Variants in SYNE1 observed in about 807,000 individuals in gnomAD.
SYNE1 encodes spectrin repeat containing nuclear envelope protein 1, also known as nesprin-1.
In SYNE1, 616 loss-of-function variants were observed where a neutral mutation model predicts 1,111.0. That is an observed-to-expected ratio of 0.55 (90% CI 0.52 to 0.59). The LOEUF is 0.59. SYNE1 is among the 20% of genes least tolerant of loss of function. SYNE1 has a pLI of 0.00. For missense variants in SYNE1, 10,006 were observed against 10,417.0 expected (o/e 0.96, Z 1.72); for synonymous variants, 3,855 against 3,825.8 (o/e 1.01, Z -0.28).
rs780396166 is a variant in SYNE1, at chr6:152,309,887, T to G, written c.17150A>C (p.Glu5717Ala). Reference protein sequence around the residue: ...PLCHAALRLQEEASRLQHTAI... With the variant: ...PLCHAALRLQAEASRLQHTAI... ...GGTGTGCTGCAGCCGGCTGGCCTCT[T>G]CCTGCAGCCGCAGAGCAGCATGACA... Residue 5717 changes from glutamate to alanine, a missense_variant, in exon 90 of 146, where the codon GAA (glutamate) becomes GCA (alanine). By Grantham distance (107) the Glu-to-Ala change is moderately radical. Coordinates refer to ENST00000367255, the MANE Select transcript of SYNE1 (RefSeq NM_182961.4). 24 of 1,613,982 alleles carry G rather than the reference T, an allele frequency of 1.5e-5. 1 individual carries two copies. The Admixed American group carries it at 4.0e-4, about 27-fold the overall frequency.
rs747508281 is a variant in SYNE1, at chr6:152,180,342, A to G, written c.23302-48T>C. ...ATAGGCAAAATGATTATCAGAGAGAAGACCACACTCCAAGGAAAATAGCAA... is the reference window on the plus strand; with the variant it reads ...ATAGGCAAAATGATTATCAGAGAGAGGACCACACTCCAAGGAAAATAGCAA... On this transcript the variant is annotated intron_variant, in intron 128 of 145. Coordinates refer to ENST00000367255, the MANE Select transcript of SYNE1 (RefSeq NM_182961.4). The G allele has an allele frequency of 3.2e-6, 5 of 1,578,358 alleles. No homozygotes were observed. In the East Asian group the frequency reaches 1.1e-4, roughly 35 times the overall value.
Position 152,326,037 on chromosome 6 carries a change from G to T in SYNE1, c.15359C>A (p.Thr5120Lys). ...REEVIELMND[T>K]EKKLSEFSLL... The stretch of plus-strand genomic sequence containing the variant: ...AGAAAACTCAGACAATTTCTTTTCT[G>T]TATCATTCATCAATTCAATAACCTC... Residue 5120 changes from threonine to lysine, a missense_variant, in exon 80 of 146, where the codon ACA (threonine) becomes AAA (lysine). Physicochemically the swap from Thr to Lys is moderately conservative, Grantham distance 78. This residue lies in a region of SYNE1 where 4,955 missense variants were observed against 5,017.2 expected (regional missense o/e 0.99). Coordinates refer to ENST00000367255, the MANE Select transcript of SYNE1 (RefSeq NM_182961.4). 6.2e-7 allele frequency: 1 copy of T among 1,614,142 alleles called. No homozygotes were observed. Among genetic ancestry groups the T allele is most frequent in the Non-Finnish European group, 8.5e-7 (1 of 1,180,032 alleles).
intron 59 of SYNE1, among the ~76,000 whole-genome samples, chr6:152,369,982 C>CAAAAAAAAAAAA (rs778013525): frequency 3.6e-4 from 18 of 49,986 alleles, no homozygotes; most frequent in African/African-American, 1.3e-3. Flanking sequence ...GACTCTGTCT[C>CAAAAAAAAAAAA]AAAAAAAAAA....
chr6:152,255,552 T>C (rs1364529179), intron 103 of SYNE1, 39 bp downstream of exon 103: 1 of 1,611,360 alleles, frequency 6.2e-7, no homozygotes, highest in Admixed American at 1.7e-5. Context: ...AAGTGCTTTG[T>C]AATGTTATAC....
intron 91 of SYNE1, among the ~76,000 whole-genome samples, chr6:152,305,487 A>T (rs998367179): frequency 6.6e-6 from 1 of 151,688 alleles, no homozygotes; most frequent in South Asian, 2.1e-4. Flanking sequence ...CTGGTCTCAA[A>T]CTCCTGACCT....
chr6:152,185,082 AC>A (rs1453409736), intron 128 of SYNE1, among the ~76,000 whole-genome samples: 1 of 152,176 alleles, frequency 6.6e-6, no homozygotes, highest in Non-Finnish European at 1.5e-5. Flanking sequence ...TGATGTTTTG[AC>A]AAAACAACGA....
intron 39 of SYNE1, among the ~76,000 whole-genome samples, chr6:152,420,573 T>C (rs548025253): frequency 6.6e-6 from 1 of 152,274 alleles, no homozygotes; most frequent in Admixed American, 6.5e-5. Context: ...TGAGCTGAGA[T>C]CATGCCACTG....
chr6:152,238,811 T>C (rs2084831860), intron 108 of SYNE1, among the ~76,000 whole-genome samples: 1 of 152,090 alleles, frequency 6.6e-6, no homozygotes, highest in South Asian at 2.1e-4. Flanking sequence ...CGGGGTTCTA[T>C]AGCTTGCCAG....
Position 152,405,150 on chromosome 6 carries a change from T to C in SYNE1, c.6724-836A>G, listed in dbSNP as rs538908033. On this transcript the variant is annotated intron_variant, in intron 45 of 145. Coordinates refer to ENST00000367255, the MANE Select transcript of SYNE1 (RefSeq NM_182961.4). ...CTATACTGCAGCGGGAATGGCCCTG[T>C]GGGCACTGGGCTGAATCTGATTCAC... 2.6e-5 allele frequency among the ~76,000 whole-genome samples: 4 copies of C among 152,324 alleles called. No individual in the cohort carries two copies. The South Asian group carries it at 6.2e-4, about 24-fold the overall frequency.
At chr6:152,284,610 ATTTTTT>A (rs760978831) in intron 95 of SYNE1, among the ~76,000 whole-genome samples, 8 of 108,150 alleles carry the variant, frequency 7.4e-5, no homozygotes, top group African/African-American at 2.9e-4. Context: ...ACACCTGGTA[ATTTTTT>A]TTTTTTTTTT....
intron 47 of SYNE1, among the ~76,000 whole-genome samples, chr6:152,400,860 TA>T (rs1193265805): frequency 6.7e-6 from 1 of 148,690 alleles, no homozygotes; most frequent in Non-Finnish European, 1.5e-5. Context: ...CACCCTTTTA[TA>T]AAAAAGAAAA....
chr6:152,372,544 A>C (rs2097207539), intron 59 of SYNE1, among the ~76,000 whole-genome samples: 1 of 152,252 alleles, frequency 6.6e-6, no homozygotes, highest in African/African-American at 2.4e-5. Flanking sequence ...TTTTATGGTT[A>C]TAATAGATTC....
chr6:152,196,548 T>C (rs2074172045), intron 127 of SYNE1, among the ~76,000 whole-genome samples: 1 of 151,998 alleles, frequency 6.6e-6, no homozygotes, highest in Non-Finnish European at 1.5e-5. Flanking sequence ...GGTTCTCTTC[T>C]GGCCAAGGGT....
At chr6:152,515,665 A>G (rs1466656331) in intron 6 of SYNE1, among the ~76,000 whole-genome samples, 1 of 152,156 alleles carries the variant, frequency 6.6e-6, no homozygotes, top group African/African-American at 2.4e-5. Flanking sequence ...ATTCCTTTAC[A>G]TCACCTTTCT....
At chr6:152,159,484 A>G (rs1280488015) in intron 131 of SYNE1, among the ~76,000 whole-genome samples, 1 of 152,238 alleles carries the variant, frequency 6.6e-6, no homozygotes, top group Admixed American at 6.5e-5. Context: ...TATTTAATGT[A>G]GTAAAAAGTA....
At chr6:152,249,046 T>A in intron 105 of SYNE1, 115 bp downstream of exon 105, 1 of 765,300 alleles carries the variant, frequency 1.3e-6, no homozygotes, top group Non-Finnish European at 2.3e-6. Context: ...ACAAAAATAC[T>A]ACAAACAAAA....
intron 64 of SYNE1, among the ~76,000 whole-genome samples, chr6:152,361,653 A>T (rs1480696353): frequency 1.3e-5 from 2 of 152,212 alleles, no homozygotes; most frequent in African/African-American, 4.8e-5. Context: ...GAACAGGCTG[A>T]CCGATGATCA....
At position 152,148,163 on chromosome 6, in the gene SYNE1, A is replaced by G. The variant is rs1166093729; in HGVS notation, c.24858T>C (p.Asp8286=). The change falls in exon 137 of 146, where the codon GAT becomes GAC. Residue 8286 remains aspartate (D), a synonymous_variant. Transcript: ENST00000367255. This position sits in a 1 kb window ranked among gnomAD's most constrained non-coding sequence, Gnocchi z 4.1. ...GGTCCCGACTGAGGTCATAGTCGTG[A>G]TCCCACTCCAGGGGGATGGAGTCCA... ...ASVDSIPLEW[D]HDYDLSRDLE... is the part of the protein sequence containing the mutation. 1.2e-6 allele frequency: 2 copies of G among 1,614,158 alleles called. No homozygotes were observed. Among genetic ancestry groups the G allele is most frequent in the Non-Finnish European group, 1.7e-6 (2 of 1,180,016 alleles).
In SYNE1 at chr6:152,353,420, A is replaced by T. The variant is rs1171959974; in HGVS notation, c.11096T>A (p.Phe3699Tyr). 1.4e-5 allele frequency: 22 copies of T among 1,614,116 alleles called. No individual in the cohort carries two copies. Among genetic ancestry groups the T allele is most frequent in the Non-Finnish European group, 1.6e-5 (19 of 1,180,052 alleles). The change falls in exon 69 of 146, where the codon TTC (phenylalanine) becomes TAC (tyrosine). Residue 3699 changes from phenylalanine to tyrosine, a missense_variant. By Grantham distance (22) the Phe-to-Tyr change is conservative. Transcript: ENST00000367255. ...CAAACTCTGAATCTCCTCCTCCAGG[A>T]ATTTTATTTGTTCCTATGAAAGAAA... Reference protein sequence around the residue: ...LLLQVLEQIKFLEEEIQSLEE... With the variant: ...LLLQVLEQIKYLEEEIQSLEE...
Sources: gnomAD v4.1 joint callset for allele counts (sites outside exome capture counted in the v4.1 genomes callset) on GRCh38, gnomAD v4.1.1 for gene constraint, gnomAD v4.1.1 regional missense constraint, Gnocchi (gnomAD v3.1) non-coding constraint, MANE v1.5 for transcripts, NCBI Gene and HGNC (gene_info 2026-07-23, HGNC 2026-07-21) for gene names.